SLTM: variants seen among roughly 807,000 people sequenced by gnomAD.
SLTM encodes the protein SAFB-like transcription modulator.
A neutral mutation model predicts 134.6 loss-of-function variants in SLTM; 43 were observed. The ratio of observed to expected loss-of-function variants is 0.32; its 90% CI spans 0.25 to 0.41. SLTM has a LOEUF of 0.41. SLTM is among the 10% of genes least tolerant of loss of function. The probability of loss-of-function intolerance (pLI) is 1.00; values close to 1 mark genes in which losing one functional copy is unlikely to be tolerated. For synonymous variants in SLTM, 424 were observed against 432.3 expected (o/e 0.98, Z 0.24); for missense variants, 1,055 against 1,288.8 (o/e 0.82, Z 2.78).
Position 58,898,810 on chromosome 15 carries a change from A to G in SLTM, c.1101T>C (p.Asp367=). 3 of 1,606,146 alleles carry G rather than the reference A, an allele frequency of 1.9e-6. No homozygotes were observed. Among genetic ancestry groups the G allele is most frequent in the Non-Finnish European group, 8.5e-7 (1 of 1,176,184 alleles). The change falls in exon 8 of 21, where the codon GAT becomes GAC. Residue 367 remains aspartate (D), a synonymous_variant. Coordinates refer to ENST00000380516, the MANE Select transcript of SLTM (RefSeq NM_024755.4). ...GGGAAAAAAATTCTTTACCTTTGTCATCTTTAGATGATGTCTTGCTGTCTT... is the reference window on the plus strand; with the variant it reads ...GGGAAAAAAATTCTTTACCTTTGTCGTCTTTAGATGATGTCTTGCTGTCTT... ...ESKDSKTSSK[D]DKGSTSSTSG...
chr15:58,924,338 A>G (rs997818644), intron 2 of SLTM, among the ~76,000 whole-genome samples: 4 of 152,370 alleles, frequency 2.6e-5, no homozygotes, highest in Non-Finnish European at 5.9e-5. Context: ...CGTATATACC[A>G]GAGAAAGACA....
At chr15:58,927,428 C>T (rs1290094801) in intron 2 of SLTM, among the ~76,000 whole-genome samples, 1 of 152,076 alleles carries the variant, frequency 6.6e-6, no homozygotes, top group Non-Finnish European at 1.5e-5. Context: ...AAACACCATG[C>T]CCAGCTAATT....
At chr15:58,911,138 T>A (rs1235465499) in intron 5 of SLTM, among the ~76,000 whole-genome samples, 1 of 152,176 alleles carries the variant, frequency 6.6e-6, no homozygotes, top group Non-Finnish European at 1.5e-5. Flanking sequence ...ATATTCCAAA[T>A]GATCAGCAAC....
At chr15:58,925,535 A>G (rs1373556649) in intron 2 of SLTM, among the ~76,000 whole-genome samples, 1 of 152,014 alleles carries the variant, frequency 6.6e-6, no homozygotes, top group Non-Finnish European at 1.5e-5. Context: ...ATGGGGTTTC[A>G]CCATGTTGGC....
chr15:58,896,209 C>G lies in SLTM; in HGVS notation c.1227+906G>C, dbSNP rs78919512. Among the ~76,000 whole-genome samples, 13 of 152,222 alleles carry G rather than the reference C, an allele frequency of 8.5e-5. No individual in the cohort carries two copies. In the East Asian group the frequency reaches 2.1e-3, roughly 25 times the overall value. On this transcript the variant is annotated intron_variant, in intron 9 of 20. Coordinates refer to ENST00000380516, the MANE Select transcript of SLTM (RefSeq NM_024755.4). ...TGAACTAACCACAGGAAAGCCTCCCCTTTTTAACACCTGTGTACTTTTCCT... is the reference window on the plus strand; with the variant it reads ...TGAACTAACCACAGGAAAGCCTCCCGTTTTTAACACCTGTGTACTTTTCCT...
intron 15 of SLTM, 85 bp downstream of exon 15, chr15:58,890,196 C>T: frequency 6.6e-7 from 1 of 1,506,216 alleles, no homozygotes; most frequent in Admixed American, 1.9e-5. Flanking sequence ...AGACGCTTTA[C>T]AACAAGTAAA....
rs377037386 is a variant in SLTM at position 58,879,934 on chromosome 15, T to C, written c.*65A>G. ...GCAAGTCAGAGGTCCTCTTCATAAG[T>C]AGTCAAGTAAAGTTTACAGGAGATT... On this transcript the variant is annotated 3_prime_UTR_variant, in exon 21 of 21. Transcript: ENST00000380516. 1.3e-4 allele frequency: 204 copies of C among 1,568,494 alleles called. 5 individuals carry two copies. The South Asian group carries it at 2.2e-3, about 17-fold the overall frequency.
chr15:58,919,441 T>A (rs544572609), intron 2 of SLTM, among the ~76,000 whole-genome samples: 1 of 151,838 alleles, frequency 6.6e-6, no homozygotes, highest in South Asian at 2.1e-4. Flanking sequence ...CAAAAAAAAA[T>A]TTTTTAAACA....
chr15:58,887,197 T>C (rs752079251), intron 18 of SLTM, 29 bp downstream of exon 18: 8 of 1,611,778 alleles, frequency 5.0e-6, no homozygotes, highest in Non-Finnish European at 6.8e-6. Flanking sequence ...ATGAGACCAC[T>C]AGGAAAGCAT....
At chr15:58,927,473 G>A (rs993207400) in intron 2 of SLTM, among the ~76,000 whole-genome samples, 16 of 152,162 alleles carry the variant, frequency 1.1e-4, no homozygotes, top group African/African-American at 3.9e-4. Flanking sequence ...GTTTCACCAT[G>A]TTAGCCAGTC....
intron 4 of SLTM, chr15:58,912,851 G>A: frequency 4.9e-6 from 2 of 411,576 alleles, no homozygotes; most frequent in African/African-American, 5.2e-5. Flanking sequence ...TAGGTAGAAG[G>A]GAAGTGTTTT....
chr15:58,882,096 A>T (rs1321410392), intron 20 of SLTM, among the ~76,000 whole-genome samples: 1 of 146,280 alleles, frequency 6.8e-6, no homozygotes, highest in African/African-American at 2.5e-5. Context: ...ATTCCCAGCT[A>T]TTCACTTGAA....
rs778518515 is a variant in SLTM, at chr15:58,887,367, C to T, written c.2549G>A (p.Arg850Gln). ...ESDRREVRGE[R>Q]DERRTVIIHD... ...AATAATCACCGTTCTCCTTTCGTCT[C>T]GCTCCCCTCGTACTTCTCGCCTGTC... The change falls in exon 18 of 21, where the codon CGA (arginine) becomes CAA (glutamine). Residue 850 changes from arginine to glutamine, a missense_variant. Coordinates refer to ENST00000380516, the MANE Select transcript of SLTM (RefSeq NM_024755.4). 6.8e-6 allele frequency: 11 copies of T among 1,613,738 alleles called. No individual in the cohort carries two copies. The highest frequency in any genetic ancestry group is 2.7e-5 in the African/African-American group (2 of 74,832).
At chr15:58,897,294 T>A in intron 8 of SLTM, 61 bp from the exon 9 acceptor site, 2 of 925,448 alleles carry the variant, frequency 2.2e-6, no homozygotes, top group Non-Finnish European at 3.5e-6. Context: ...TACAAAACTA[T>A]AAGGGCCACA....
At chr15:58,893,245 A>T in intron 13 of SLTM, 34 bp downstream of exon 13, 1 of 1,514,280 alleles carries the variant, frequency 6.6e-7, no homozygotes. Context: ...TAAACAGCTG[A>T]AGTAGTATAC....
Position 58,916,929 on chromosome 15 carries a change from C to T in SLTM, c.315+6G>A. 1 of 1,612,884 alleles carries T rather than the reference C, an allele frequency of 6.2e-7. No individual in the cohort carries two copies. Among genetic ancestry groups the T allele is most frequent in the Non-Finnish European group, 8.5e-7 (1 of 1,179,070 alleles). ...AGCATCTTAACCTGAGTAATTAACA[C>T]TTTACCTTGATAAAAGCATCATCTT... On this transcript the variant is annotated splice_donor_region_variant and intron_variant, in intron 3 of 20. Transcript: ENST00000380516.
chr15:58,885,441 A>G (rs147107410), intron 19 of SLTM, among the ~76,000 whole-genome samples: 47 of 152,302 alleles, frequency 3.1e-4, no homozygotes, highest in African/African-American at 1.1e-3. Flanking sequence ...CTAGTCTTTG[A>G]TACTTAAATT....
At chr15:58,888,842 A>G (rs1440187160) in intron 16 of SLTM, 15 of 259,332 alleles carry the variant, frequency 5.8e-5, no homozygotes, top group African/African-American at 3.1e-4. Flanking sequence ...ATACCATTAA[A>G]TGGAAAAGAC....
chr15:58,911,425 C>T (rs753442432), intron 5 of SLTM, among the ~76,000 whole-genome samples: 3 of 152,128 alleles, frequency 2.0e-5, no homozygotes, highest in Admixed American at 1.3e-4. Context: ...TTTGAAAGTA[C>T]ACCATTTAAA....
Sources: allele counts gnomAD v4.1 joint callset (sites outside exome capture counted in the v4.1 genomes callset), GRCh38; gene constraint gnomAD v4.1.1; transcripts MANE v1.5; gene names NCBI Gene and HGNC (gene_info 2026-07-23, HGNC 2026-07-21).